Variants in BPTF observed in about 807,000 individuals in gnomAD.
BPTF encodes the protein bromodomain PHD finger transcription factor.
In BPTF, 18 loss-of-function variants were observed where a neutral mutation model predicts 292.5. That is an observed-to-expected ratio of 0.06 (90% CI 0.04 to 0.09). The LOEUF (loss-of-function observed/expected upper bound fraction) is 0.09, where lower values mean the gene tolerates loss of function less well. Among genes scored for constraint, BPTF ranks in the 10% least tolerant of loss-of-function variants. BPTF has a pLI of 1.00. For synonymous variants in BPTF, 1,225 were observed against 1,251.9 expected (o/e 0.98, Z 0.45); for missense variants, 2,726 against 3,498.7 (o/e 0.78, Z 5.57).
chr17:67,972,506 A>G (rs2068875491), intron 26 of BPTF, among the ~76,000 whole-genome samples: 2 of 152,116 alleles, frequency 1.3e-5, no homozygotes, highest in Non-Finnish European at 2.9e-5. Context: ...TGCCTTCCAA[A>G]GTGCTGGGAT....
Position 67,983,584 on chromosome 17 carries a change from A to G in BPTF, c.*1296A>G, listed in dbSNP as rs1279213635. The G allele has an allele frequency of 6.6e-6, 1 of 152,666 alleles. No homozygotes were observed. Among genetic ancestry groups the G allele is most frequent in the Admixed American group, 6.5e-5 (1 of 15,280 alleles). The allele number at this position is 152,666 out of a possible 1,614,324, so 9.5% of individuals were successfully genotyped here. A position where few individuals can be genotyped will look rare whatever the true frequency, so the allele number is the denominator to read the frequency against. On this transcript the variant is annotated 3_prime_UTR_variant, in exon 28 of 28. Coordinates refer to ENST00000306378, the MANE Select transcript of BPTF (RefSeq NM_182641.4). The stretch of plus-strand genomic sequence containing the variant: ...AAGTAGTGTAAACAGTAGCGAGAAA[A>G]TGGAAACCACAGAGGAAGATGTATT...
At chr17:67,871,352 G>T (rs919036479) in intron 3 of BPTF, among the ~76,000 whole-genome samples, 2 of 146,192 alleles carry the variant, frequency 1.4e-5, no homozygotes, top group African/African-American at 5.1e-5. Flanking sequence ...TGAGGCAGGA[G>T]AATTGCTTGA....
At chr17:67,982,214 A>G (rs182234939) in intron 27 of BPTF, 38 bp from the exon 28 acceptor site, 6 of 1,584,830 alleles carry the variant, frequency 3.8e-6, no homozygotes, top group Non-Finnish European at 5.2e-6. Context: ...TCAAAAATGA[A>G]GGGTGCTTAA....
chr17:67,946,312 T>C lies in BPTF; in HGVS notation c.7604T>C (p.Ile2535Thr). The change falls in exon 21 of 28, where the codon ATC becomes ACC. Residue 2535 changes from isoleucine to threonine, a missense_variant. Ile to Thr is a moderately conservative substitution (Grantham distance 89). Transcript: ENST00000306378. ...CTCCAAGCTTCTAATCAAAGTGAAA[T>C]CATTCAGAAACAGGTAAAGTTATTA... ...HTLQASNQSE[I>T]IQKQVVMKHN... 1 of 1,613,694 alleles carries C rather than the reference T, an allele frequency of 6.2e-7. No individual in the cohort carries two copies. Among genetic ancestry groups the C allele is most frequent in the South Asian group, 1.1e-5 (1 of 91,072 alleles).
chr17:67,898,602 A>C (rs1244290726), intron 7 of BPTF, among the ~76,000 whole-genome samples: 2 of 151,416 alleles, frequency 1.3e-5, no homozygotes, highest in African/African-American at 4.9e-5. Context: ...GAGCCGCTGC[A>C]CTTGGCCTAT....
At chr17:67,857,148 ATTTTTTTTTT>A (rs35727338) in intron 2 of BPTF, among the ~76,000 whole-genome samples, 1,579 of 97,660 alleles carry the variant, frequency 0.016, 31 homozygotes, top group Middle Eastern at 0.057. Context: ...GTCTTTAACA[ATTTTTTTTTT>A]TTTTTTTTTT....
intron 27 of BPTF, among the ~76,000 whole-genome samples, chr17:67,976,442 C>T (rs782517743): frequency 4.6e-5 from 7 of 152,178 alleles, no homozygotes; most frequent in Non-Finnish European, 1.0e-4. Context: ...CACTGCATTC[C>T]AGCCTGGGTG....
At chr17:67,956,209 C>T (rs2066919606) in intron 23 of BPTF, 1 of 150,244 alleles carries the variant, frequency 6.7e-6, no homozygotes, top group Non-Finnish European at 1.5e-5. Context: ...GTCCCAGCTA[C>T]TCGGGAGGCT....
intron 3 of BPTF, among the ~76,000 whole-genome samples, chr17:67,871,441 CAAA>C (rs751011017): frequency 1.1e-4 from 9 of 80,108 alleles, no homozygotes; most frequent in Admixed American, 7.1e-4. Flanking sequence ...ACTTTGTCTC[CAAA>C]AAAAAAAAAA....
At chr17:67,939,773 G>A (rs550612464) in intron 18 of BPTF, among the ~76,000 whole-genome samples, 3 of 152,264 alleles carry the variant, frequency 2.0e-5, no homozygotes, top group African/African-American at 4.8e-5. Flanking sequence ...CCAGCTACTC[G>A]GGAGGCTCAG....
chr17:67,886,049 TAA>T, intron 4 of BPTF: 1 of 1,112,146 alleles, frequency 9.0e-7, no homozygotes, highest in Non-Finnish European at 1.3e-6. Context: ...AATGAAATCC[TAA>T]AACAATTGTC....
At chr17:67,878,641 G>A (rs899034067) in intron 4 of BPTF, among the ~76,000 whole-genome samples, 36 of 151,914 alleles carry the variant, frequency 2.4e-4, no homozygotes, top group African/African-American at 6.3e-4. Flanking sequence ...GCACTTGCTA[G>A]CTCCCTTGTG....
At chr17:67,924,755 C>T (rs1258326210) in intron 15 of BPTF, among the ~76,000 whole-genome samples, 166 bp downstream of exon 15, 1 of 152,116 alleles carries the variant, frequency 6.6e-6, no homozygotes, top group Non-Finnish European at 1.5e-5. Flanking sequence ...AGTAATGATA[C>T]ATTCTTGTGG....
chr17:67,954,131 TAC>T (rs553222160), intron 23 of BPTF, among the ~76,000 whole-genome samples: 2,253 of 9,624 alleles, frequency 0.23, 64 homozygotes, highest in Admixed American at 0.36. Flanking sequence ...GGACTACGGG[TAC>T]GGGCGAATGC....
At chr17:67,976,955 A>G (rs1305089459) in intron 27 of BPTF, among the ~76,000 whole-genome samples, 1 of 152,128 alleles carries the variant, frequency 6.6e-6, no homozygotes, top group African/African-American at 2.4e-5. Flanking sequence ...CCCTACATAC[A>G]TCGCTATAAA....
intron 1 of BPTF, among the ~76,000 whole-genome samples, chr17:67,838,017 A>G (rs188924992): frequency 1.3e-4 from 20 of 152,290 alleles, no homozygotes; most frequent in Non-Finnish European, 2.5e-4. Flanking sequence ...TCACCTGTAC[A>G]GTATAGGATG....
chr17:67,837,876 G>A (rs576032904), intron 1 of BPTF, among the ~76,000 whole-genome samples: 1 of 152,170 alleles, frequency 6.6e-6, no homozygotes, highest in Admixed American at 6.5e-5. Flanking sequence ...CTCCCAAATG[G>A]CAGGATGTCT....
chr17:67,975,644 C>T, intron 26 of BPTF, 128 bp from the exon 27 acceptor site: 1 of 712,460 alleles, frequency 1.4e-6, no homozygotes, highest in Non-Finnish European at 2.2e-6. Flanking sequence ...AAATAACCTC[C>T]AGGGTGAACC....
At chr17:67,829,574 C>G in intron 1 of BPTF, among the ~76,000 whole-genome samples, 1 of 151,064 alleles carries the variant, frequency 6.6e-6, no homozygotes, top group East Asian at 2.0e-4. Context: ...AGGCTAAGTA[C>G]CAGTTTCATT....
Sources: allele counts gnomAD v4.1 joint callset (sites outside exome capture counted in the v4.1 genomes callset), GRCh38; gene constraint gnomAD v4.1.1; transcripts MANE v1.5; gene names NCBI Gene and HGNC (gene_info 2026-07-23, HGNC 2026-07-21).